The following TEX36 variants were observed in gnomAD, a reference collection of about 807,000 sequenced individuals.
TEX36 encodes the protein testis expressed 36, also known as testis-expressed protein 36.
In TEX36, 12 loss-of-function variants were observed where a neutral mutation model predicts 13.6. That is an observed-to-expected ratio of 0.88 (90% CI 0.56 to 1.43). TEX36 has a LOEUF of 1.43. Among genes scored for constraint, TEX36 ranks in the 40% most tolerant of loss-of-function variants. The pLI is 0.00. For missense variants in TEX36, 224 were observed against 228.3 expected (o/e 0.98, Z 0.12); for synonymous variants, 93 against 83.0 (o/e 1.12, Z -0.65).
intron 1 of TEX36, among the ~76,000 whole-genome samples, chr10:125,664,277 T>A (rs1359135123): frequency 6.6e-6 from 1 of 152,222 alleles, no homozygotes; most frequent in Non-Finnish European, 1.5e-5. Context: ...TCTTGGCTAT[T>A]GTGAATAGTG....
At chr10:125,641,078 A>C (rs1263544176) in intron 3 of TEX36, among the ~76,000 whole-genome samples, 1 of 152,078 alleles carries the variant, frequency 6.6e-6, no homozygotes, top group Non-Finnish European at 1.5e-5. Context: ...ACCAGCTGTG[A>C]TATGTCCTGA....
downstream of TEX36, among the ~76,000 whole-genome samples, chr10:125,654,114 A>G (rs539055323): frequency 2.6e-5 from 4 of 152,338 alleles, no homozygotes; most frequent in East Asian, 7.7e-4. Flanking sequence ...TATGAATGAT[A>G]TAATTTTCCA....
intron 3 of TEX36, among the ~76,000 whole-genome samples, chr10:125,588,376 G>A (rs1481618618): frequency 6.6e-6 from 1 of 152,160 alleles, no homozygotes; most frequent in African/African-American, 2.4e-5. Flanking sequence ...TTTTTGCATT[G>A]CTTTAGAGAA....
chr10:125,681,509 C>G (rs1221047441), intron 1 of TEX36, among the ~76,000 whole-genome samples: 4 of 152,290 alleles, frequency 2.6e-5, no homozygotes, highest in African/African-American at 4.8e-5. Context: ...CCAGGGAACT[C>G]AGAGTCAAAT....
intron 3 of TEX36, among the ~76,000 whole-genome samples, chr10:125,594,987 T>G (rs1313407594): frequency 6.6e-6 from 1 of 152,192 alleles, no homozygotes; most frequent in Non-Finnish European, 1.5e-5. Context: ...CAATAAAAAC[T>G]ATTAAGCATA....
chr10:125,618,606 A>T (rs1414279026), downstream of TEX36, among the ~76,000 whole-genome samples: 2 of 152,058 alleles, frequency 1.3e-5, no homozygotes, highest in Non-Finnish European at 1.5e-5. Flanking sequence ...CTCGGGGGTC[A>T]GGGGTCACAT....
At chr10:125,625,693 T>A (rs1846478498) in intron 3 of TEX36, among the ~76,000 whole-genome samples, 1 of 152,254 alleles carries the variant, frequency 6.6e-6, no homozygotes, top group Non-Finnish European at 1.5e-5. Context: ...TTCAACTAGA[T>A]GCAACCTCTC....
intron 1 of TEX36, among the ~76,000 whole-genome samples, chr10:125,662,397 A>G (rs1847059449): frequency 6.6e-6 from 1 of 152,166 alleles, no homozygotes; most frequent in Non-Finnish European, 1.5e-5. Context: ...CAATGTAGGT[A>G]TGAGGTGGCC....
chr10:125,639,917 C>A (rs368529636), intron 3 of TEX36, among the ~76,000 whole-genome samples: 1 of 152,110 alleles, frequency 6.6e-6, no homozygotes, highest in East Asian at 1.9e-4. Context: ...CACTCATGGC[C>A]GATACCAGTC....
At chr10:125,625,918 T>C (rs756915037) in intron 3 of TEX36, among the ~76,000 whole-genome samples, 3 of 152,102 alleles carry the variant, frequency 2.0e-5, no homozygotes, top group Admixed American at 6.5e-5. Flanking sequence ...TCTGTCGGAG[T>C]TGGTATAGTG....
chr10:125,623,041 T>A (rs1846447014), intron 3 of TEX36, among the ~76,000 whole-genome samples: 1 of 152,170 alleles, frequency 6.6e-6, no homozygotes, highest in Non-Finnish European at 1.5e-5. Flanking sequence ...CCACTTCCAC[T>A]TTCATCCCTT....
At chr10:125,642,782 G>A (rs1846709743) in intron 3 of TEX36, among the ~76,000 whole-genome samples, 1 of 152,184 alleles carries the variant, frequency 6.6e-6, no homozygotes, top group Non-Finnish European at 1.5e-5. Flanking sequence ...TCAACAAACG[G>A]AGACCAGGCC....
downstream of TEX36, among the ~76,000 whole-genome samples, chr10:125,652,364 C>A (rs1846874558): frequency 6.6e-6 from 1 of 152,100 alleles, no homozygotes; most frequent in Non-Finnish European, 1.5e-5. Flanking sequence ...TTTGACAAAC[C>A]TGACAAAAAC....
At chr10:125,593,554 G>A (rs879676408) in intron 3 of TEX36, among the ~76,000 whole-genome samples, 3 of 152,200 alleles carry the variant, frequency 2.0e-5, no homozygotes, top group Admixed American at 1.3e-4. Flanking sequence ...AAAATTCGTG[G>A]ATGGTGCAAA....
At chr10:125,678,635 A>G (rs1429974120) in intron 1 of TEX36, among the ~76,000 whole-genome samples, 2 of 151,494 alleles carry the variant, frequency 1.3e-5, no homozygotes, top group Non-Finnish European at 2.9e-5. Context: ...TTGGGTCCTG[A>G]GTGGTGTGCA....
intron 3 of TEX36, among the ~76,000 whole-genome samples, chr10:125,613,246 TTTA>T (rs1846313209): frequency 5.0e-5 from 1 of 20,026 alleles, no homozygotes; most frequent in African/African-American, 7.1e-4. Flanking sequence ...ACATCTTTTA[TTTA>T]TTTATTTATT....
intron 3 of TEX36, among the ~76,000 whole-genome samples, chr10:125,641,793 T>C (rs905663656): frequency 4.6e-5 from 7 of 152,238 alleles, no homozygotes; most frequent in African/African-American, 1.2e-4. Context: ...GGTTGTTGTA[T>C]TGGGGACATC....
rs767029550 is a variant in TEX36, at chr10:125,661,129, G to A, written c.184-28C>T. 19 of 1,522,028 alleles carry A rather than the reference G, an allele frequency of 1.2e-5. 1 individual carries two copies. In the South Asian group the frequency reaches 2.2e-4, roughly 17 times the overall value. The allele number at this position is 1,522,028 out of a possible 1,614,324, so 94.3% of individuals were successfully genotyped here. On this transcript the variant is annotated intron_variant, in intron 2 of 3. Coordinates refer to ENST00000368821, the MANE Select transcript of TEX36 (RefSeq NM_001128202.3). Reference sequence around the variant, plus strand: ...GGAAAAGTGGGATGGAAGGGAAAGAGCACACATTAGAACCCTGCATGCTTT... The same window carrying A: ...GGAAAAGTGGGATGGAAGGGAAAGAACACACATTAGAACCCTGCATGCTTT...
intron 3 of TEX36, among the ~76,000 whole-genome samples, chr10:125,614,158 T>G (rs1046770068): frequency 3.3e-5 from 5 of 152,168 alleles, no homozygotes; most frequent in African/African-American, 1.2e-4. Flanking sequence ...TTTGTTTGAG[T>G]TCATTGCAGA....
Sources: allele counts gnomAD v4.1 joint callset (sites outside exome capture counted in the v4.1 genomes callset), GRCh38; gene constraint gnomAD v4.1.1; transcripts MANE v1.5; gene names NCBI Gene and HGNC (gene_info 2026-07-23, HGNC 2026-07-21).